CHP1: variants seen among roughly 807,000 people sequenced by gnomAD.
CHP1 encodes the protein calcineurin B homologous protein 1.
A neutral mutation model predicts 27.4 loss-of-function variants in CHP1; 11 were observed. The ratio of observed to expected loss-of-function variants is 0.40; its 90% CI spans 0.25 to 0.67. The LOEUF (loss-of-function observed/expected upper bound fraction) is 0.67. Among genes scored for constraint, CHP1 ranks in the 30% least tolerant of loss-of-function variants. The probability of loss-of-function intolerance (pLI) is 0.38; values close to 1 mark genes in which losing one functional copy is unlikely to be tolerated. For synonymous variants in CHP1, 89 were observed against 87.4 expected (o/e 1.02, Z -0.10); for missense variants, 169 against 251.3 (o/e 0.67, Z 2.22).
intron 2 of CHP1, among the ~76,000 whole-genome samples, chr15:41,245,236 G>C (rs1348759454): frequency 6.6e-6 from 1 of 152,116 alleles, no homozygotes; most frequent in Non-Finnish European, 1.5e-5. Flanking sequence ...CAAGGCGGGC[G>C]GATCACCTGA....
rs1164722070 is a variant in CHP1, at chr15:41,279,591, A to G, written c.*202A>G. 5 of 525,846 alleles carry G rather than the reference A, an allele frequency of 9.5e-6. No homozygotes were observed. Among genetic ancestry groups the G allele is most frequent in the African/African-American group, 7.7e-5 (4 of 51,908 alleles). 32.6% of individuals were successfully genotyped at this position (525,846 alleles called of 1,614,324 possible). On this transcript the variant is annotated 3_prime_UTR_variant, in exon 7 of 7. Coordinates refer to ENST00000334660, the MANE Select transcript of CHP1 (RefSeq NM_007236.5). ...CATTACAGAATGGTACACCCTATATATTTCTGTTCAGTATCCATTCACTAG... is the reference window on the plus strand; with the variant it reads ...CATTACAGAATGGTACACCCTATATGTTTCTGTTCAGTATCCATTCACTAG...
At chr15:41,258,367 T>C (rs1262702328) in intron 3 of CHP1, among the ~76,000 whole-genome samples, 1 of 152,164 alleles carries the variant, frequency 6.6e-6, no homozygotes, top group African/African-American at 2.4e-5. Flanking sequence ...TATTACTCTG[T>C]TTTATTAACA....
intron 1 of CHP1, 106 bp downstream of exon 1, chr15:41,231,555 G>A (rs1387600608): frequency 1.8e-5 from 19 of 1,045,794 alleles, no homozygotes; most frequent in South Asian, 1.8e-4. Flanking sequence ...AGGTTGGGGG[G>A]TCCTGGGCAG....
At chr15:41,241,620 C>G (rs575764379) in intron 1 of CHP1, among the ~76,000 whole-genome samples, 7 of 152,310 alleles carry the variant, frequency 4.6e-5, no homozygotes, top group Middle Eastern at 3.4e-3. Flanking sequence ...GCTGGCTCTG[C>G]CCCGATGGAA....
chr15:41,235,250 G>A (rs573768608), intron 1 of CHP1, among the ~76,000 whole-genome samples: 15,944 of 152,126 alleles, frequency 0.1, 1,175 homozygotes, highest in African/African-American at 0.2. Flanking sequence ...CAGGCGCAGT[G>A]GCTCACACCT....
chr15:41,241,142 C>A (rs901934661), intron 1 of CHP1, among the ~76,000 whole-genome samples: 1 of 152,206 alleles, frequency 6.6e-6, no homozygotes, highest in Non-Finnish European at 1.5e-5. Context: ...TGAGCCACTG[C>A]GCCCAGCCTG....
chr15:41,269,858 C>T (rs1470535373), intron 4 of CHP1, among the ~76,000 whole-genome samples: 1 of 152,116 alleles, frequency 6.6e-6, no homozygotes, highest in Non-Finnish European at 1.5e-5. Flanking sequence ...TGTCACGGCA[C>T]CTATAAAATC....
chr15:41,264,038 T>C, intron 4 of CHP1: 1 of 439,806 alleles, frequency 2.3e-6, no homozygotes, highest in South Asian at 1.9e-5. Flanking sequence ...TGATTCTGTT[T>C]CAAGAACTAG....
At chr15:41,256,715 C>T (rs772878579) in intron 2 of CHP1, 195 bp from the exon 3 acceptor site, 1 of 577,002 alleles carries the variant, frequency 1.7e-6, no homozygotes, top group Non-Finnish European at 3.1e-6. Flanking sequence ...TGGCTCCTTC[C>T]ACTTCTGAGT....
intron 3 of CHP1, among the ~76,000 whole-genome samples, chr15:41,258,896 T>C (rs1481066551): frequency 6.6e-6 from 1 of 152,112 alleles, no homozygotes; most frequent in Non-Finnish European, 1.5e-5. Context: ...GAACTCTAAA[T>C]TGAGAGCAAA....
intron 3 of CHP1, among the ~76,000 whole-genome samples, chr15:41,260,163 G>A (rs1168797059): frequency 6.6e-6 from 1 of 151,848 alleles, no homozygotes; most frequent in Non-Finnish European, 1.5e-5. Flanking sequence ...GGCACAGAAA[G>A]GCTGGGGTTT....
chr15:41,262,531 G>T (rs939949076), intron 3 of CHP1, among the ~76,000 whole-genome samples: 32 of 152,138 alleles, frequency 2.1e-4, no homozygotes, highest in Non-Finnish European at 1.0e-4. Context: ...CCTAAATCTG[G>T]TTAAATCATT....
intron 5 of CHP1, among the ~76,000 whole-genome samples, chr15:41,275,764 G>A (rs751282832): frequency 2.6e-5 from 4 of 151,984 alleles, no homozygotes; most frequent in Non-Finnish European, 4.4e-5. Context: ...TGCCCAGCCT[G>A]GAGTGCAATG....
chr15:41,278,340 A>G (rs1567013378), intron 5 of CHP1, among the ~76,000 whole-genome samples: 1 of 151,874 alleles, frequency 6.6e-6, no homozygotes, highest in Non-Finnish European at 1.5e-5. Flanking sequence ...CTCAAAAAAA[A>G]AAAAAAAAAA....
chr15:41,275,260 C>T (rs551339366), intron 5 of CHP1, among the ~76,000 whole-genome samples: 1 of 152,068 alleles, frequency 6.6e-6, no homozygotes, highest in Non-Finnish European at 1.5e-5. Context: ...TGGGTTCAAG[C>T]GATTCTGCCT....
chr15:41,244,441 A>G (rs1037212787), intron 2 of CHP1, among the ~76,000 whole-genome samples: 1 of 152,164 alleles, frequency 6.6e-6, no homozygotes, highest in African/African-American at 2.4e-5. Flanking sequence ...TTACCAACCC[A>G]TAACCCTGAG....
intron 2 of CHP1, among the ~76,000 whole-genome samples, chr15:41,250,536 C>T (rs1332252161): frequency 2.0e-5 from 3 of 151,602 alleles, no homozygotes; most frequent in African/African-American, 7.3e-5. Flanking sequence ...CATTGCACTC[C>T]AGCCTGGGCA....
At position 41,231,327 on chromosome 15, in the gene CHP1, C is replaced by G; in HGVS notation, c.-56C>G. On this transcript the variant is annotated 5_prime_UTR_variant, in exon 1 of 7. Transcript: ENST00000334660. ...AGCCCTTCCTTCCCTCCCTCCTTCCCTCCTGTCGCCGTCTCTTCTGGCGCC... is the reference window on the plus strand; with the variant it reads ...AGCCCTTCCTTCCCTCCCTCCTTCCGTCCTGTCGCCGTCTCTTCTGGCGCC... 1 of 1,513,368 alleles carries G rather than the reference C, an allele frequency of 6.6e-7. No individual in the cohort carries two copies. Among genetic ancestry groups the G allele is most frequent in the Middle Eastern group, 1.7e-4 (1 of 5,888 alleles). The allele number at this position is 1,513,368 out of a possible 1,614,324, so 93.7% of individuals were successfully genotyped here.
intron 2 of CHP1, among the ~76,000 whole-genome samples, chr15:41,248,180 A>G (rs898409014): frequency 6.7e-6 from 1 of 149,678 alleles, no homozygotes; most frequent in Admixed American, 6.7e-5. Flanking sequence ...ACAGGGTCGC[A>G]CTCTGTCTCC....
Sources: gnomAD v4.1 joint callset for allele counts (sites outside exome capture counted in the v4.1 genomes callset) on GRCh38, gnomAD v4.1.1 for gene constraint, MANE v1.5 for transcripts, NCBI Gene and HGNC (gene_info 2026-07-23, HGNC 2026-07-21) for gene names.